Variants in DTNA observed in about 807,000 individuals in gnomAD.
DTNA encodes the protein dystrobrevin alpha.
DTNA carries 43 observed loss-of-function variants against 100.7 expected under a neutral mutation model. The ratio of observed to expected loss-of-function variants is 0.43; its 90% CI spans 0.33 to 0.55. The LOEUF is 0.55. DTNA is among the 20% of genes least tolerant of loss of function. The pLI, the probability that DTNA is intolerant of heterozygous loss-of-function variation, is 0.04. For missense variants in DTNA, 798 were observed against 953.9 expected (o/e 0.84, Z 2.15); for synonymous variants, 349 against 347.9 (o/e 1.00, Z -0.04).
chr18:34,835,580 A>G (rs905749468), intron 11 of DTNA, among the ~76,000 whole-genome samples: 5 of 152,106 alleles, frequency 3.3e-5, no homozygotes, highest in Admixed American at 2.0e-4. Context: ...TTGAAGAAAA[A>G]AAAAAGGAGA....
intron 17 of DTNA, among the ~76,000 whole-genome samples, chr18:34,869,588 G>C (rs2096743178): frequency 1.3e-5 from 2 of 152,184 alleles, no homozygotes; most frequent in African/African-American, 4.8e-5. Context: ...ATATTAAACA[G>C]CTAATACAGT....
chr18:34,668,694 A>G (rs2076299521), intron 1 of DTNA, among the ~76,000 whole-genome samples: 1 of 152,180 alleles, frequency 6.6e-6, no homozygotes. Context: ...CCCAGTAGTC[A>G]TTCAGGAGCA....
chr18:34,580,867 G>T (rs762191615), intron 1 of DTNA, among the ~76,000 whole-genome samples: 11 of 152,124 alleles, frequency 7.2e-5, no homozygotes, highest in Non-Finnish European at 1.6e-4. Context: ...CTGTGGAAAG[G>T]AGTTAACAGG....
intron 21 of DTNA, among the ~76,000 whole-genome samples, chr18:34,883,419 C>G (rs936048161): frequency 6.6e-6 from 1 of 152,078 alleles, no homozygotes; most frequent in African/African-American, 2.4e-5. Flanking sequence ...ACAAGCTATC[C>G]TCCCACCTCA....
chr18:34,674,460 A>G (rs2077157361), intron 1 of DTNA, among the ~76,000 whole-genome samples: 1 of 152,168 alleles, frequency 6.6e-6, no homozygotes, highest in East Asian at 1.9e-4. Flanking sequence ...AAGTGTCCAA[A>G]AAGGCCCATT....
intron 1 of DTNA, among the ~76,000 whole-genome samples, chr18:34,732,375 C>T (rs2088495147): frequency 6.6e-6 from 1 of 152,160 alleles, no homozygotes. Flanking sequence ...GCAGAGTCAC[C>T]TGTATATGCC....
intron 1 of DTNA, among the ~76,000 whole-genome samples, chr18:34,584,887 A>T (rs2048976665): frequency 6.6e-6 from 1 of 152,198 alleles, no homozygotes; most frequent in South Asian, 2.1e-4. Context: ...AAGTCAAATA[A>T]AATGAATCGG....
intron 3 of DTNA, among the ~76,000 whole-genome samples, chr18:34,774,216 G>A (rs767976233): frequency 3.9e-5 from 6 of 152,228 alleles, no homozygotes; most frequent in Non-Finnish European, 7.3e-5. Context: ...GGCAAGATTC[G>A]ATGACCTTCC....
chr18:34,545,721 A>G (rs1425696183), intron 1 of DTNA, among the ~76,000 whole-genome samples: 2 of 152,086 alleles, frequency 1.3e-5, no homozygotes, highest in African/African-American at 2.4e-5. Flanking sequence ...CTAAGATTTT[A>G]TAAATTATAT....
chr18:34,749,639 C>CAAAAAA (rs1232445254), intron 1 of DTNA, among the ~76,000 whole-genome samples: 222 of 75,082 alleles, frequency 3.0e-3, no homozygotes, highest in African/African-American at 7.3e-3. Flanking sequence ...CACCTCTCTC[C>CAAAAAA]AAAAAATAAT....
intron 6 of DTNA, among the ~76,000 whole-genome samples, chr18:34,812,912 G>A (rs549070726): frequency 5.3e-5 from 8 of 152,306 alleles, no homozygotes; most frequent in Non-Finnish European, 1.0e-4. Context: ...ATCATGACCT[G>A]AGAGGCCCAA....
chr18:34,870,522 C>G (rs1045931559), intron 17 of DTNA, among the ~76,000 whole-genome samples: 2 of 152,178 alleles, frequency 1.3e-5, no homozygotes, highest in African/African-American at 4.8e-5. Flanking sequence ...CATACCCTCC[C>G]AGACTCTCTC....
chr18:34,600,413 TCA>T (rs1202767690), intron 1 of DTNA, among the ~76,000 whole-genome samples: 1 of 152,212 alleles, frequency 6.6e-6, no homozygotes, highest in Non-Finnish European at 1.5e-5. Context: ...TTTTTAAGTC[TCA>T]GTTTATTTTT....
intron 3 of DTNA, among the ~76,000 whole-genome samples, chr18:34,793,322 T>C (rs575366003): frequency 1.4e-4 from 22 of 152,318 alleles, no homozygotes; most frequent in African/African-American, 5.3e-4. Context: ...CAGAAACAGC[T>C]TTCTTGACTA....
chr18:34,751,502 G>T lies in DTNA; in HGVS notation c.-1-4474G>T, dbSNP rs184986905. ...TAAACATGACAAGGATGGCTTTCCA[G>T]ATTTGATGCCTGTTAATCTCTGAAG... On this transcript the variant is annotated intron_variant, in intron 1 of 22. Coordinates refer to ENST00000444659, the MANE Select transcript of DTNA (RefSeq NM_001386795.1). 2.0e-5 allele frequency among the ~76,000 whole-genome samples: 3 copies of T among 152,310 alleles called. No homozygotes were observed. In the East Asian group the frequency reaches 5.8e-4, roughly 29 times the overall value.
chr18:34,773,372 G>A (rs1381881712), intron 3 of DTNA, among the ~76,000 whole-genome samples: 1 of 152,022 alleles, frequency 6.6e-6, no homozygotes, highest in Non-Finnish European at 1.5e-5. Flanking sequence ...GTTTAAAGTC[G>A]GAAACACAGG....
chr18:34,860,220 GTTTTTTTTTTTTTTTTTTT>G (rs55673388), intron 16 of DTNA, among the ~76,000 whole-genome samples: 2 of 80,282 alleles, frequency 2.5e-5, no homozygotes, highest in East Asian at 4.5e-4. Context: ...CTAATTTTTT[GTTTTTTTTTTTTTTTTTTT>G]TTTTTTTTTT....
intron 1 of DTNA, among the ~76,000 whole-genome samples, chr18:34,669,895 A>G (rs546575124): frequency 7.9e-5 from 12 of 152,178 alleles, no homozygotes; most frequent in East Asian, 1.9e-4. Flanking sequence ...GAATCTGACA[A>G]TTATGTATCT....
chr18:34,858,411 A>G lies in DTNA; in HGVS notation c.1646+13A>G. On this transcript the variant is annotated intron_variant, in intron 16 of 22. Transcript: ENST00000444659. ...TCCGGCTCCTCAGGTAGGAGAGAGC[A>G]CCCATGTCATCTCAGGGAATATATA... is the stretch of plus-strand genomic sequence containing the variant. 1.2e-6 allele frequency: 2 copies of G among 1,612,712 alleles called. No individual in the cohort carries two copies. Among genetic ancestry groups the G allele is most frequent in the Non-Finnish European group, 1.7e-6 (2 of 1,178,774 alleles).
Sources: allele counts gnomAD v4.1 joint callset (sites outside exome capture counted in the v4.1 genomes callset), GRCh38; gene constraint gnomAD v4.1.1; transcripts MANE v1.5; gene names NCBI Gene and HGNC (gene_info 2026-07-23, HGNC 2026-07-21).